AKAP8: variants seen among roughly 807,000 people sequenced by gnomAD.
AKAP8 encodes the protein A-kinase anchor protein 8.
Under a neutral mutation model 67.5 loss-of-function variants are expected in AKAP8, and 24 were observed. The ratio of observed to expected loss-of-function variants is 0.36; its 90% CI spans 0.26 to 0.50. AKAP8 has a LOEUF of 0.50. Ranked by LOEUF, AKAP8 falls within the 20% of genes least tolerant of loss-of-function variation. The pLI, the probability that AKAP8 is intolerant of heterozygous loss-of-function variation, is 0.97. For synonymous variants in AKAP8, 400 were observed against 371.1 expected, an observed-to-expected ratio of 1.08 and a Z score of -0.90; for missense variants, 971 against 955.9, an observed-to-expected ratio of 1.02 and a Z score of -0.21.
intron 7 of AKAP8, among the ~76,000 whole-genome samples, chr19:15,371,402 C>G (rs1407049012): frequency 6.6e-6 from 1 of 152,200 alleles, no homozygotes; most frequent in African/African-American, 2.4e-5. Flanking sequence ...GAGGCTTCAG[C>G]CCACAGTCCC....
At chr19:15,368,490 T>A (rs1267507463) in intron 8 of AKAP8, 168 bp from the exon 9 acceptor site, 7 of 985,162 alleles carry the variant, frequency 7.1e-6, no homozygotes, top group Non-Finnish European at 8.4e-6. Flanking sequence ...AGACTCCTGG[T>A]GGACACGGGC....
In AKAP8 at chr19:15,379,742, C is replaced by G; in HGVS notation, c.-11G>C. On this transcript the variant is annotated 5_prime_UTR_variant, in exon 1 of 14. Coordinates refer to ENST00000269701, the MANE Select transcript of AKAP8 (RefSeq NM_005858.4). ...GTAGCCCTGGTCCATGTCTTCGACGCGGCCCACCAGCAGCCCCGTTTACTA... is the reference window on the plus strand; with the variant it reads ...GTAGCCCTGGTCCATGTCTTCGACGGGGCCCACCAGCAGCCCCGTTTACTA... 6.2e-7 allele frequency: 1 copy of G among 1,611,334 alleles called. No homozygotes were observed. The highest frequency in any genetic ancestry group is 1.3e-5 in the African/African-American group (1 of 74,804).
At chr19:15,366,300 ATTAT>A (rs561509176) in intron 9 of AKAP8, among the ~76,000 whole-genome samples, 79 of 152,068 alleles carry the variant, frequency 5.2e-4, no homozygotes, top group African/African-American at 1.9e-3. Context: ...TCTTTATTAG[ATTAT>A]TTAAGTTTAA....
intron 1 of AKAP8, chr19:15,379,334 T>G: frequency 4.2e-6 from 1 of 239,364 alleles, no homozygotes; most frequent in Non-Finnish European, 8.0e-6. Context: ...CGCCGCCATT[T>G]TGTGGCGTCT....
chr19:15,373,560 A>G (rs1176670031), intron 4 of AKAP8, among the ~76,000 whole-genome samples: 1 of 152,096 alleles, frequency 6.6e-6, no homozygotes, highest in African/African-American at 2.4e-5. Context: ...ATGTAGAAAA[A>G]AGGAGTCTCG....
intron 10 of AKAP8, 26 bp downstream of exon 10, chr19:15,362,084 G>A (rs749290440): frequency 2.5e-5 from 40 of 1,612,144 alleles, no homozygotes; most frequent in East Asian, 1.8e-4. Context: ...CAAGAGACGC[G>A]GTGACGGGGC....
Position 15,372,754 on chromosome 19 carries a change from A to G in AKAP8, c.861+97T>C. The stretch of plus-strand genomic sequence containing the variant: ...CTAAAAGTCGAACTGCGCACTTAAA[A>G]ACATTTAAGTGAATGTTGAGATGGG... On this transcript the variant is annotated intron_variant, in intron 5 of 13. Coordinates refer to ENST00000269701, the MANE Select transcript of AKAP8 (RefSeq NM_005858.4). 3.6e-6 allele frequency: 5 copies of G among 1,402,676 alleles called. No individual in the cohort carries two copies. In the South Asian group the frequency reaches 8.7e-5, roughly 24 times the overall value. 86.9% of individuals were successfully genotyped at this position (1,402,676 alleles called of 1,614,324 possible). A position where few individuals can be genotyped will look rare whatever the true frequency, so the allele number is the denominator to read the frequency against.
Position 15,369,013 on chromosome 19 carries a change from C to A in AKAP8, c.1073-691G>T. On this transcript the variant is annotated intron_variant, in intron 8 of 13. Coordinates refer to ENST00000269701, the MANE Select transcript of AKAP8 (RefSeq NM_005858.4). The surrounding 1 kb of genome is among the most constrained non-coding windows in gnomAD (Gnocchi z 4.6). ...ACGCGGCCATCATCCCAGCATGAGG[C>A]CAGGGACGGACGCTGAAAAAAGGTT... 1 of 985,936 alleles carries A rather than the reference C, an allele frequency of 1.0e-6. No individual in the cohort carries two copies. The highest frequency in any genetic ancestry group is 1.2e-6 in the Non-Finnish European group (1 of 830,350). The allele number at this position is 985,936 out of a possible 1,614,324, so 61.1% of individuals were successfully genotyped here.
At position 15,370,331 on chromosome 19, in the gene AKAP8, G is replaced by C. The variant is rs897807991; in HGVS notation, c.1039-152C>G. On this transcript the variant is annotated intron_variant, in intron 7 of 13. Transcript: ENST00000269701. ...AATGAGCCACAGTGTGTTAGGACCA[G>C]CCTCCGGGGCTCAGGACAGGGCCTG... 7 of 799,352 alleles carry C rather than the reference G, an allele frequency of 8.8e-6. No homozygotes were observed. In the African/African-American group the frequency reaches 1.2e-4, roughly 14 times the overall value. 49.5% of individuals were successfully genotyped at this position (799,352 alleles called of 1,614,324 possible).
intron 8 of AKAP8, 190 bp from the exon 9 acceptor site, chr19:15,368,512 G>A: frequency 1.0e-6 from 1 of 985,312 alleles, no homozygotes; most frequent in Non-Finnish European, 1.2e-6. Context: ...TGGAGTGAGA[G>A]CCCGGAGTAG....
At chr19:15,374,290 C>T (rs866799387) in intron 3 of AKAP8, among the ~76,000 whole-genome samples, 62 of 152,286 alleles carry the variant, frequency 4.1e-4, no homozygotes, top group Non-Finnish European at 6.9e-4. Flanking sequence ...CCATGCCAGA[C>T]GCTAGGACCT....
intron 10 of AKAP8, 121 bp downstream of exon 10, chr19:15,361,989 A>T: frequency 7.0e-7 from 1 of 1,437,344 alleles, no homozygotes; most frequent in Middle Eastern, 1.8e-4. Context: ...TTACACAGCT[A>T]CTCTATCTGG....
chr19:15,358,358 TC>T (rs890488835), intron 13 of AKAP8, among the ~76,000 whole-genome samples: 6 of 151,840 alleles, frequency 4.0e-5, no homozygotes, highest in African/African-American at 1.5e-4. Flanking sequence ...TACCTTGGAT[TC>T]TTTTTTTTTT....
chr19:15,368,047 T>C (rs770914153), intron 9 of AKAP8, among the ~76,000 whole-genome samples, 188 bp downstream of exon 9: 1 of 152,248 alleles, frequency 6.6e-6, no homozygotes, highest in Non-Finnish European at 1.5e-5. Flanking sequence ...AGGTAGCTCG[T>C]GTGCTGGGAG....
At chr19:15,356,287 C>T (rs965117097) in intron 13 of AKAP8, among the ~76,000 whole-genome samples, 4 of 151,808 alleles carry the variant, frequency 2.6e-5, no homozygotes, top group African/African-American at 9.7e-5. Context: ...CGCCTGTAGT[C>T]CCAGCTACTC....
At position 15,354,974 on chromosome 19, in the gene AKAP8, CGGCAGCTGG is replaced by C. The variant is rs761457640; in HGVS notation, c.2011_2019del (p.Pro671_Ala673del). 14 of 1,614,062 alleles carry C rather than the reference CGGCAGCTGG, an allele frequency of 8.7e-6. No individual in the cohort carries two copies. The highest frequency in any genetic ancestry group is 1.7e-6 in the Non-Finnish European group (2 of 1,180,052). On this transcript the variant is annotated inframe_deletion, in exon 14 of 14. Transcript: ENST00000269701. ...TCAGTTTGTTCCACTTCAGCATCCG[CGGCAGCTGG>C]GGCAGGAGCAACTCTGGTTTGGGCA...
intron 13 of AKAP8, among the ~76,000 whole-genome samples, chr19:15,355,924 CGG>C: frequency 6.6e-6 from 1 of 151,732 alleles, no homozygotes; most frequent in East Asian, 1.9e-4. Context: ...TTAGTGGAGA[CGG>C]GGTTTCACCA....
intron 12 of AKAP8, 58 bp downstream of exon 12, chr19:15,360,790 G>A (rs1431082982): frequency 6.4e-7 from 1 of 1,569,498 alleles, no homozygotes; most frequent in South Asian, 1.2e-5. Context: ...AGACACAGCA[G>A]GCTCTGAGCC....
In AKAP8 at chr19:15,373,817, C is replaced by T. The variant is rs370984046; in HGVS notation, c.340G>A (p.Gly114Ser). 1.9e-5 allele frequency: 30 copies of T among 1,611,240 alleles called. No homozygotes were observed. Among genetic ancestry groups the T allele is most frequent in the South Asian group, 2.2e-5 (2 of 90,970 alleles). The change falls in exon 4 of 14, where the codon GGC (glycine) becomes AGC (serine). Residue 114 changes from glycine to serine, a missense_variant. Around this residue, in one of 3 missense-constraint regions of AKAP8, gnomAD observed 763 missense variants for 745.4 expected, o/e 1.02. Transcript: ENST00000269701. ...SKEGGRGGSG[G>S]GGEGIQDRES... is the part of the protein sequence containing the mutation. ...CGGTCCTGTATGCCCTCCCCACCGC[C>T]GCCGCTCCCGCCCCTGCCTCCTTCC...
Sources: gnomAD v4.1 joint callset for allele counts (sites outside exome capture counted in the v4.1 genomes callset) on GRCh38, gnomAD v4.1.1 for gene constraint, gnomAD v4.1.1 regional missense constraint, Gnocchi (gnomAD v3.1) non-coding constraint, MANE v1.5 for transcripts, NCBI Gene and HGNC (gene_info 2026-07-23, HGNC 2026-07-21) for gene names.